LRRC51: variants seen among roughly 807,000 people sequenced by gnomAD.
LRRC51 encodes leucine rich repeat containing 51.
A neutral mutation model predicts 17.8 loss-of-function variants in LRRC51; 8 were observed. The ratio of observed to expected loss-of-function variants is 0.45; its 90% CI spans 0.26 to 0.81. LRRC51 has a LOEUF of 0.81. Ranked by LOEUF, LRRC51 falls within the 30% of genes least tolerant of loss-of-function variation. The pLI, the probability that LRRC51 is intolerant of heterozygous loss-of-function variation, is 0.17. For synonymous variants in LRRC51, 92 were observed against 96.0 expected (o/e 0.96, Z 0.24); for missense variants, 233 against 239.3 (o/e 0.97, Z 0.17).
intron 2 of LRRC51, 22 bp downstream of exon 2, chr11:72,088,402 G>A (rs928520410): frequency 5.7e-6 from 4 of 702,388 alleles, no homozygotes; most frequent in Non-Finnish European, 1.0e-5. Context: ...GTAGACTCTG[G>A]TTTTGTGTGT....
intron 1 of LRRC51, among the ~76,000 whole-genome samples, chr11:72,086,806 C>T (rs1436723068): frequency 2.0e-5 from 3 of 152,134 alleles, no homozygotes; most frequent in Non-Finnish European, 4.4e-5. Flanking sequence ...AGTTAAAATC[C>T]ATGTTCAGTG....
chr11:72,093,838 C>G (rs951786699), intron 4 of LRRC51, 137 bp downstream of exon 4: 3 of 851,730 alleles, frequency 3.5e-6, no homozygotes, highest in Non-Finnish European at 5.9e-6. Context: ...GCTAGGGGGC[C>G]AGACAGATAG....
intron 3 of LRRC51, among the ~76,000 whole-genome samples, chr11:72,091,071 G>C (rs1268978770): frequency 6.6e-6 from 1 of 152,122 alleles, no homozygotes; most frequent in Non-Finnish European, 1.5e-5. Flanking sequence ...AATCTGAGAG[G>C]AGCAGCAACC....
chr11:72,091,715 TTC>T (rs1354402870), intron 3 of LRRC51, among the ~76,000 whole-genome samples: 2 of 152,180 alleles, frequency 1.3e-5, no homozygotes, highest in Non-Finnish European at 2.9e-5. Context: ...CAGCCAAACT[TTC>T]TGAGGATGTT....
At chr11:72,086,533 CCA>C in intron 1 of LRRC51, 1 of 695,306 alleles carries the variant, frequency 1.4e-6, no homozygotes, top group Non-Finnish European at 2.6e-6. Flanking sequence ...TTCATTCATC[CCA>C]CAAACATTTT....
At chr11:72,089,614 CCT>C in intron 3 of LRRC51, 2 of 1,181,852 alleles carry the variant, frequency 1.7e-6, no homozygotes, top group Middle Eastern at 3.7e-4. Context: ...AAACCTTTCT[CCT>C]CTGTCTGCAG....
intron 1 of LRRC51, among the ~76,000 whole-genome samples, chr11:72,087,911 T>C (rs1326539928): frequency 6.6e-6 from 1 of 152,242 alleles, no homozygotes; most frequent in Non-Finnish European, 1.5e-5. Flanking sequence ...ATATTTCTAG[T>C]GGATGGCACT....
rs748272868 is a variant in LRRC51 at position 72,095,418 on chromosome 11, C to T, written c.477C>T (p.Phe159=). 1.5e-5 allele frequency: 25 copies of T among 1,613,966 alleles called. No individual in the cohort carries two copies. Among genetic ancestry groups the T allele is most frequent in the Non-Finnish European group, 1.9e-5 (23 of 1,180,018 alleles). ...GCACCCTGTCCCGTATCACCACGTT[C>T]GACTTCAGTGGGGTCACCAAAGCAG... ...VLCTLSRITT[F]DFSGVTKADR... is the part of the protein sequence containing the mutation. The change falls in exon 6 of 6, where the codon TTC becomes TTT. Residue 159 remains phenylalanine (F), a synonymous_variant. Coordinates refer to ENST00000289488, the MANE Select transcript of LRRC51 (RefSeq NM_145309.6).
At chr11:72,086,258 T>C in intron 1 of LRRC51, 1 of 602,080 alleles carries the variant, frequency 1.7e-6, no homozygotes, top group Non-Finnish European at 3.0e-6. Context: ...TGGAACTGGA[T>C]GCAGGCTGGT....
chr11:72,096,642 T>C lies in LRRC51; in HGVS notation c.*1122T>C. 6.5e-7 allele frequency: 1 copy of C among 1,527,634 alleles called. No homozygotes were observed. 94.6% of individuals were successfully genotyped at this position (1,527,634 alleles called of 1,614,324 possible). On this transcript the variant is annotated 3_prime_UTR_variant, in exon 6 of 6. Transcript: ENST00000289488. ...ACCACACAGCCTTGGGAAATTTATC[T>C]AACTCTCTGGGCCCCTTTGTACTTT...
Position 72,096,843 on chromosome 11 carries a change from G to A in LRRC51, c.*1323G>A, listed in dbSNP as rs932693480. The A allele has an allele frequency of 1.2e-5, 15 of 1,269,130 alleles. No individual in the cohort carries two copies. In the Admixed American group the frequency reaches 6.0e-4, roughly 51 times the overall value. 78.6% of individuals were successfully genotyped at this position (1,269,130 alleles called of 1,614,324 possible). ...AAAGTAATTCCATTCTGTTTTATAT[G>A]CTGGGATTCTGCTTAAGATTTCATT... On this transcript the variant is annotated 3_prime_UTR_variant, in exon 6 of 6. Coordinates refer to ENST00000289488, the MANE Select transcript of LRRC51 (RefSeq NM_145309.6).
intron 4 of LRRC51, among the ~76,000 whole-genome samples, chr11:72,094,251 AC>A (rs1365318478): frequency 2.7e-5 from 4 of 150,686 alleles, no homozygotes; most frequent in Admixed American, 6.7e-5. Flanking sequence ...GCGCCACTGT[AC>A]TCCAGCCTGG....
At chr11:72,088,410 T>A (rs1262473411) in intron 2 of LRRC51, 30 bp downstream of exon 2, 1 of 702,274 alleles carries the variant, frequency 1.4e-6, no homozygotes, top group Non-Finnish European at 2.6e-6. Flanking sequence ...TGGTTTTGTG[T>A]GTGTGTATGT....
chr11:72,084,860 CCGTGTGTGTGTGTGTG>C (rs1458823594), intron 1 of LRRC51, among the ~76,000 whole-genome samples: 1 of 52,720 alleles, frequency 1.9e-5, no homozygotes, highest in African/African-American at 7.6e-5. Context: ...AAAAAGAAAA[CCGTGTGTGTGTGTGTG>C]TGTGTGTGTG....
chr11:72,086,391 T>A (rs1001286021), intron 1 of LRRC51: 2 of 701,838 alleles, frequency 2.8e-6, no homozygotes, highest in African/African-American at 3.5e-5. Context: ...AAATGTTTGC[T>A]GAATTGAATT....
chr11:72,096,853 T>C lies in LRRC51; in HGVS notation c.*1333T>C. 1 of 1,266,072 alleles carries C rather than the reference T, an allele frequency of 7.9e-7. No homozygotes were observed. The highest frequency in any genetic ancestry group is 1.0e-6 in the Non-Finnish European group (1 of 993,312). The allele number at this position is 1,266,072 out of a possible 1,614,324, so 78.4% of individuals were successfully genotyped here. On this transcript the variant is annotated 3_prime_UTR_variant, in exon 6 of 6. Transcript: ENST00000289488. ...CATTCTGTTTTATATGCTGGGATTC[T>C]GCTTAAGATTTCATTTGATAAAAAG...
At chr11:72,093,963 A>G (rs1945011617) in intron 4 of LRRC51, among the ~76,000 whole-genome samples, 1 of 152,228 alleles carries the variant, frequency 6.6e-6, no homozygotes. Flanking sequence ...TGCCAGTATC[A>G]TAAAGGTTTT....
chr11:72,091,372 C>G (rs1944849257), intron 3 of LRRC51, among the ~76,000 whole-genome samples: 2 of 152,104 alleles, frequency 1.3e-5, no homozygotes, highest in Admixed American at 1.3e-4. Flanking sequence ...CAGTACCCTC[C>G]TGCAACCCCA....
intron 3 of LRRC51, 118 bp from the exon 4 acceptor site, chr11:72,093,378 G>C: frequency 1.1e-6 from 1 of 949,426 alleles, no homozygotes; most frequent in Non-Finnish European, 1.7e-6. Flanking sequence ...ACAGGGCTAT[G>C]GCCCTTCCAG....
Sources: allele counts gnomAD v4.1 joint callset (sites outside exome capture counted in the v4.1 genomes callset), GRCh38; gene constraint gnomAD v4.1.1; transcripts MANE v1.5; gene names NCBI Gene and HGNC (gene_info 2026-07-23, HGNC 2026-07-21).